ORC3: variants seen among roughly 807,000 people sequenced by gnomAD.
ORC3 encodes the protein origin recognition complex subunit 3.
A neutral mutation model predicts 100.7 loss-of-function variants in ORC3; 78 were observed. The ratio of observed to expected loss-of-function variants is 0.77; its 90% CI spans 0.65 to 0.94. ORC3 has a LOEUF of 0.94. Among genes scored for constraint, ORC3 ranks in the 40% least tolerant of loss-of-function variants. The probability of loss-of-function intolerance (pLI) is 0.00; values close to 1 mark genes in which losing one functional copy is unlikely to be tolerated. For missense variants in ORC3, 789 were observed against 823.9 expected, an observed-to-expected ratio of 0.96 and a Z score of 0.52; for synonymous variants, 295 against 289.3, an observed-to-expected ratio of 1.02 and a Z score of -0.20.
At chr6:87,602,557 C>A (rs1777986827) in intron 3 of ORC3, among the ~76,000 whole-genome samples, 1 of 151,820 alleles carries the variant, frequency 6.6e-6, no homozygotes, top group South Asian at 2.1e-4. Flanking sequence ...ATTACTGCCG[C>A]CTACCAGTCC....
chr6:87,663,515 T>C (rs1412220726), intron 17 of ORC3, among the ~76,000 whole-genome samples: 1 of 152,260 alleles, frequency 6.6e-6, no homozygotes, highest in African/African-American at 2.4e-5. Flanking sequence ...AATAAATTAC[T>C]GAAAGACCGA....
chr6:87,662,888 A>AT, intron 16 of ORC3, 115 bp from the exon 17 acceptor site: 2 of 550,320 alleles, frequency 3.6e-6, no homozygotes, highest in Non-Finnish European at 5.4e-6. Context: ...ATTGACAAAA[A>AT]TGTTATAGTG....
intron 11 of ORC3, among the ~76,000 whole-genome samples, chr6:87,629,799 G>A (rs1189450195): frequency 6.6e-6 from 1 of 152,062 alleles, no homozygotes; most frequent in African/African-American, 2.4e-5. Flanking sequence ...GTGAGAACGT[G>A]CGGTATTTGA....
chr6:87,631,867 T>C (rs537859975), intron 11 of ORC3, among the ~76,000 whole-genome samples: 2 of 152,250 alleles, frequency 1.3e-5, no homozygotes, highest in East Asian at 3.9e-4. Context: ...CATTAAGAAT[T>C]ATTGTTTTAA....
intron 2 of ORC3, among the ~76,000 whole-genome samples, chr6:87,594,860 A>G (rs1161553599): frequency 9.2e-5 from 14 of 152,216 alleles, no homozygotes; most frequent in Non-Finnish European, 5.9e-5. Flanking sequence ...AACATAAGGA[A>G]AACCTAAGAA....
intron 1 of ORC3, among the ~76,000 whole-genome samples, chr6:87,593,364 C>T (rs945313663): frequency 3.9e-5 from 6 of 152,184 alleles, no homozygotes; most frequent in African/African-American, 1.4e-4. Flanking sequence ...CTTGAAGGCA[C>T]TCACAGTCTA....
At chr6:87,597,312 C>T (rs1777521387) in intron 2 of ORC3, among the ~76,000 whole-genome samples, 1 of 152,088 alleles carries the variant, frequency 6.6e-6, no homozygotes, top group African/African-American at 2.4e-5. Flanking sequence ...ATGGAATTTT[C>T]CACTTGTGGC....
intron 11 of ORC3, among the ~76,000 whole-genome samples, chr6:87,627,069 C>T (rs908258031): frequency 4.6e-5 from 7 of 151,726 alleles, no homozygotes; most frequent in African/African-American, 1.7e-4. Context: ...GTTATCTCGG[C>T]TCACTGCAAC....
intron 17 of ORC3, 61 bp from the exon 18 acceptor site, chr6:87,664,682 T>G: frequency 7.3e-7 from 1 of 1,362,920 alleles, no homozygotes; most frequent in Non-Finnish European, 1.0e-6. Context: ...TTCATTAATG[T>G]CTGATTTTAT....
intron 13 of ORC3, among the ~76,000 whole-genome samples, chr6:87,641,611 CAG>C (rs1768264105): frequency 6.6e-6 from 1 of 152,142 alleles, no homozygotes; most frequent in Admixed American, 6.6e-5. Context: ...TGCAAAGAAA[CAG>C]ACTTACAAAT....
At chr6:87,600,704 A>G (rs1313218141) in intron 2 of ORC3, among the ~76,000 whole-genome samples, 2 of 152,230 alleles carry the variant, frequency 1.3e-5, no homozygotes, top group Admixed American at 6.5e-5. Flanking sequence ...GGCATGTCAA[A>G]TCAGCGGGAG....
At chr6:87,644,081 T>C (rs1247564047) in intron 13 of ORC3, among the ~76,000 whole-genome samples, 1,381 of 38,368 alleles carry the variant, frequency 0.036, 150 homozygotes, top group African/African-American at 0.11. Context: ...TGACTGTCCT[T>C]TTTTTTTTTT....
At chr6:87,619,933 C>T (rs1206394289) in intron 9 of ORC3, among the ~76,000 whole-genome samples, 1 of 152,136 alleles carries the variant, frequency 6.6e-6, no homozygotes, top group Non-Finnish European at 1.5e-5. Context: ...TGAGCTCAAG[C>T]GATCTTCCAT....
chr6:87,629,442 C>A (rs1780149854), intron 11 of ORC3, among the ~76,000 whole-genome samples: 1 of 152,220 alleles, frequency 6.6e-6, no homozygotes, highest in Non-Finnish European at 1.5e-5. Context: ...AAATGTAATT[C>A]TGCCTAGCCT....
chr6:87,594,493 G>A, intron 2 of ORC3, 86 bp downstream of exon 2: 1 of 1,414,536 alleles, frequency 7.1e-7, no homozygotes, highest in Non-Finnish European at 9.4e-7. Flanking sequence ...TAATTCTCTT[G>A]TCTAACCTTG....
intron 14 of ORC3, among the ~76,000 whole-genome samples, chr6:87,656,587 A>G (rs1479598671): frequency 6.6e-6 from 1 of 150,488 alleles, no homozygotes; most frequent in Non-Finnish European, 1.5e-5. Context: ...ACTCCATCTG[A>G]AAAAAAAAAA....
intron 11 of ORC3, 23 bp downstream of exon 11, chr6:87,622,036 G>A (rs199619643): frequency 1.3e-6 from 2 of 1,494,580 alleles, no homozygotes; most frequent in Admixed American, 3.5e-5. Context: ...ATGTGTTTCA[G>A]TTTCATTCTC....
chr6:87,620,269 A>T (rs1413102671), intron 9 of ORC3, among the ~76,000 whole-genome samples: 2 of 152,232 alleles, frequency 1.3e-5, no homozygotes, highest in Non-Finnish European at 2.9e-5. Context: ...ACTTTGACAT[A>T]ATTAGAAAAG....
intron 13 of ORC3, among the ~76,000 whole-genome samples, chr6:87,643,601 C>G (rs16879656): frequency 0.07 from 10,709 of 152,254 alleles, 409 homozygotes; most frequent in East Asian, 0.095. Flanking sequence ...AAAAAAAGAT[C>G]TGAATTTGTA....
Sources: allele counts gnomAD v4.1 joint callset (sites outside exome capture counted in the v4.1 genomes callset), GRCh38; gene constraint gnomAD v4.1.1; transcripts MANE v1.5; gene names NCBI Gene and HGNC (gene_info 2026-07-23, HGNC 2026-07-21).